SERPINB12: variants seen among roughly 807,000 people sequenced by gnomAD.
SERPINB12 encodes serpin family B member 12, also known as serpin B12.
A neutral mutation model predicts 41.1 loss-of-function variants in SERPINB12; 57 were observed. That is an observed-to-expected ratio of 1.39 (90% confidence interval 1.12 to 1.73). The LOEUF is 1.73. Ranked by LOEUF, SERPINB12 falls within the 40% of genes most tolerant of loss-of-function variation. The probability of loss-of-function intolerance (pLI) is 0.00; values close to 1 mark genes in which losing one functional copy is unlikely to be tolerated. For synonymous variants in SERPINB12, 180 were observed against 181.3 expected (o/e 0.99, Z 0.06); for missense variants, 536 against 501.9 (o/e 1.07, Z -0.65).
Position 63,564,082 on chromosome 18 carries a change from C to A in SERPINB12, c.667C>A (p.His223Asn). ...GGCCAAATGGGAAACATACTTTGAC[C>A]ATGAAAACACGGTGGATGCACCTTT... ...FKAKWETYFD[H>N]ENTVDAPFCL... is the part of the protein sequence containing the mutation. The change falls in exon 6 of 8, where the codon CAT becomes AAT. Residue 223 changes from histidine to asparagine, a missense_variant. Physicochemically the swap from His to Asn is moderately conservative, Grantham distance 68 (BLOSUM62 1). Coordinates refer to ENST00000382768, the MANE Select transcript of SERPINB12 (RefSeq NM_001307928.2). 6.2e-7 allele frequency: 1 copy of A among 1,613,966 alleles called. No individual in the cohort carries two copies. The highest frequency in any genetic ancestry group is 8.5e-7 in the Non-Finnish European group (1 of 1,179,962).
At chr18:63,532,172 C>T in the SERPINB12 span, among the ~76,000 whole-genome samples, 45 of 152,258 alleles carry the variant, frequency 3.0e-4, no homozygotes, top group Admixed American at 2.8e-3. Context: ...GTGGTAGACA[C>T]CCTACACAGA....
chr18:63,542,516 C>A (rs1297867060), intron 1 of SERPINB12, among the ~76,000 whole-genome samples, 24 bp downstream of exon 1: 1 of 152,146 alleles, frequency 6.6e-6, no homozygotes, highest in Non-Finnish European at 1.5e-5. Flanking sequence ...GGTGGACAAG[C>A]TATTGTTGGT....
chr18:63,531,401 A>T, the SERPINB12 span, among the ~76,000 whole-genome samples: 1 of 152,212 alleles, frequency 6.6e-6, no homozygotes, highest in Non-Finnish European at 1.5e-5. Context: ...AGCAATTTTT[A>T]CTATCAAACT....
intron 6 of SERPINB12, 148 bp from the exon 7 acceptor site, chr18:63,565,297 C>T (rs978305116): frequency 2.9e-6 from 2 of 680,300 alleles, no homozygotes; most frequent in Admixed American, 5.2e-5. Context: ...TGGGTAGACT[C>T]TTGTAGGCTG....
chr18:63,539,430 C>T (rs928211771), upstream of SERPINB12, among the ~76,000 whole-genome samples: 1 of 152,028 alleles, frequency 6.6e-6, no homozygotes, highest in African/African-American at 2.4e-5. Flanking sequence ...CTGCATGTCC[C>T]AGTGATTTAA....
chr18:63,521,733 G>A, the SERPINB12 span, among the ~76,000 whole-genome samples: 10 of 152,172 alleles, frequency 6.6e-5, no homozygotes, highest in Non-Finnish European at 7.3e-5. Flanking sequence ...CCTATACCTC[G>A]TCCTGGTTTG....
At position 63,561,292 on chromosome 18, in the gene SERPINB12, G is replaced by A. The variant is rs533888053; in HGVS notation, c.562+90G>A. 389 of 743,908 alleles carry A rather than the reference G, an allele frequency of 5.2e-4. 7 individuals are homozygous for A. In the South Asian group the frequency reaches 6.4e-3, roughly 12 times the overall value. The allele number at this position is 743,908 out of a possible 1,614,324, so 46.1% of individuals were successfully genotyped here. A position where few individuals can be genotyped will look rare whatever the true frequency, so the allele number is the denominator to read the frequency against. On this transcript the variant is annotated intron_variant, in intron 5 of 7. Transcript: ENST00000382768. The stretch of plus-strand genomic sequence containing the variant: ...AGCTTTGCAGACTGCTGGTCTACTG[G>A]GGGCCAGAGGTTCACATATGTGGAC...
rs1348990706 is a variant in SERPINB12, at chr18:63,564,095, T to C, written c.680T>C (p.Val227Ala). ...ACATACTTTGACCATGAAAACACGG[T>C]GGATGCACCTTTCTGTCTAAATGCG... ...WETYFDHENT[V>A]DAPFCLNANE... Residue 227 changes from valine (V) to alanine (A), a missense_variant, in exon 6 of 8, where the codon GTG (valine) becomes GCG (alanine). Physicochemically the swap from Val to Ala is moderately conservative, Grantham distance 64 (BLOSUM62 0). Coordinates refer to ENST00000382768, the MANE Select transcript of SERPINB12 (RefSeq NM_001307928.2). The C allele has an allele frequency of 6.2e-6, 10 of 1,613,786 alleles. No individual in the cohort carries two copies. Among genetic ancestry groups the C allele is most frequent in the Non-Finnish European group, 8.5e-6 (10 of 1,179,924 alleles).
chr18:63,562,791 T>C (rs898902642), intron 5 of SERPINB12, among the ~76,000 whole-genome samples: 3 of 152,246 alleles, frequency 2.0e-5, no homozygotes, highest in African/African-American at 7.2e-5. Flanking sequence ...GAAATGTAGA[T>C]GATGTCAACC....
intron 7 of SERPINB12, 94 bp from the exon 8 acceptor site, chr18:63,566,513 G>C: frequency 1.8e-6 from 2 of 1,101,076 alleles, no homozygotes; most frequent in South Asian, 1.5e-5. Context: ...GGTTGTCACT[G>C]CCCACTGAAA....
the SERPINB12 span, among the ~76,000 whole-genome samples, chr18:63,531,782 T>C: frequency 5.1e-3 from 783 of 152,280 alleles, 3 homozygotes; most frequent in African/African-American, 0.018. Flanking sequence ...AATGAAATAA[T>C]TGTATTTATT....
chr18:63,554,886 C>T (rs965481638), intron 1 of SERPINB12, among the ~76,000 whole-genome samples: 1 of 152,110 alleles, frequency 6.6e-6, no homozygotes, highest in Non-Finnish European at 1.5e-5. Flanking sequence ...AAGTTTCCCC[C>T]ATGCTGTTCT....
chr18:63,563,765 G>A (rs960278810), intron 5 of SERPINB12, among the ~76,000 whole-genome samples: 8 of 152,004 alleles, frequency 5.3e-5, no homozygotes, highest in Admixed American at 3.3e-4. Flanking sequence ...GCATGGTGGC[G>A]GGCGCCTGTA....
intron 3 of SERPINB12, among the ~76,000 whole-genome samples, chr18:63,559,014 C>CTTTCTTTCTTTA (rs1910786160): frequency 1.7e-5 from 1 of 58,756 alleles, no homozygotes; most frequent in Non-Finnish European, 4.4e-5. Context: ...TTCTTTCTTT[C>CTTTCTTTCTTTA]TTTCTTTCTT....
At chr18:63,531,437 A>G in the SERPINB12 span, among the ~76,000 whole-genome samples, 1 of 152,174 alleles carries the variant, frequency 6.6e-6, no homozygotes, top group Non-Finnish European at 1.5e-5. Flanking sequence ...TTTGGATGTA[A>G]ATACAGGCAA....
rs1568134343 is a variant in SERPINB12, at chr18:63,567,381, A to G, written c.*370A>G. On this transcript the variant is annotated 3_prime_UTR_variant, in exon 8 of 8. Coordinates refer to ENST00000382768, the MANE Select transcript of SERPINB12 (RefSeq NM_001307928.2). ...GCCACTTTAACATGGGCAGCAAGAG[A>G]ACATGTTTGACTGGAACGTGTTTGG... 1.3e-5 allele frequency among the ~76,000 whole-genome samples: 2 copies of G among 152,196 alleles called. No individual in the cohort carries two copies. Among genetic ancestry groups the G allele is most frequent in the African/African-American group, 4.8e-5 (2 of 41,462 alleles).
chr18:63,558,390 A>G lies in SERPINB12; in HGVS notation c.207A>G (p.Lys69=). ...ACGAATTTTCCCAGAATGAAAGCAA[A>G]GAACCTGACCCTTGTCTGAAAAGCA... ...HFNEFSQNES[K]EPDPCLKSNK... Residue 69 remains lysine, a synonymous_variant, in exon 3 of 8, where the codon AAA becomes AAG. Coordinates refer to ENST00000382768, the MANE Select transcript of SERPINB12 (RefSeq NM_001307928.2). The G allele has an allele frequency of 6.2e-7, 1 of 1,613,928 alleles. No homozygotes were observed. The highest frequency in any genetic ancestry group is 8.5e-7 in the Non-Finnish European group (1 of 1,179,848).
chr18:63,539,994 A>G (rs1165526290), upstream of SERPINB12, among the ~76,000 whole-genome samples: 1 of 152,150 alleles, frequency 6.6e-6, no homozygotes, highest in African/African-American at 2.4e-5. Context: ...ATAACACAAG[A>G]AAGGTAGGCT....
chr18:63,539,496 T>G (rs983376792), upstream of SERPINB12, among the ~76,000 whole-genome samples: 1 of 152,096 alleles, frequency 6.6e-6, no homozygotes, highest in African/African-American at 2.4e-5. Context: ...TATAGGGATA[T>G]GGGAGGATTG....
Sources: gnomAD v4.1 joint callset for allele counts (sites outside exome capture counted in the v4.1 genomes callset) on GRCh38, gnomAD v4.1.1 for gene constraint, MANE v1.5 for transcripts, NCBI Gene and HGNC (gene_info 2026-07-23, HGNC 2026-07-21) for gene names.